The following KIAA0825 variants were observed in gnomAD, a reference collection of about 807,000 sequenced individuals.
KIAA0825 encodes uncharacterized protein KIAA0825.
KIAA0825 carries 119 observed loss-of-function variants against 147.6 expected under a neutral mutation model. The ratio of observed to expected loss-of-function variants is 0.81; its 90% confidence interval spans 0.69 to 0.94. KIAA0825 has a LOEUF of 0.94. Among genes scored for constraint, KIAA0825 ranks in the 40% least tolerant of loss-of-function variants. The probability of loss-of-function intolerance (pLI) is 0.00; values close to 1 mark genes in which losing one functional copy is unlikely to be tolerated. For missense variants in KIAA0825, 1,381 were observed against 1,472.7 expected (o/e 0.94, Z 1.02); for synonymous variants, 470 against 518.1 (o/e 0.91, Z 1.26).
intron 1 of KIAA0825, among the ~76,000 whole-genome samples, chr5:94,586,648 T>A (rs1391319629): frequency 6.6e-6 from 1 of 152,218 alleles, no homozygotes; most frequent in East Asian, 1.9e-4. Context: ...TCTGAGACTA[T>A]TCCAATCAAT....
intron 20 of KIAA0825, among the ~76,000 whole-genome samples, chr5:94,377,515 C>T (rs1747756324): frequency 6.6e-6 from 1 of 152,188 alleles, no homozygotes; most frequent in Non-Finnish European, 1.5e-5. Flanking sequence ...AATGCAATCA[C>T]CATCTCATTC....
At chr5:94,162,491 G>T (rs966768828) in intron 20 of KIAA0825, among the ~76,000 whole-genome samples, 1 of 151,958 alleles carries the variant, frequency 6.6e-6, no homozygotes, top group Non-Finnish European at 1.5e-5. Context: ...TTTTTCTGTA[G>T]AGAAGAGGTC....
chr5:94,407,520 TG>T (rs1359997437), intron 15 of KIAA0825, among the ~76,000 whole-genome samples: 2 of 152,002 alleles, frequency 1.3e-5, no homozygotes, highest in African/African-American at 4.8e-5. Context: ...TAAAAAGAAA[TG>T]GAGTTCTGAT....
intron 20 of KIAA0825, among the ~76,000 whole-genome samples, chr5:94,175,023 TGCCATGTTTCTA>T (rs1480522305): frequency 6.6e-6 from 1 of 152,158 alleles, no homozygotes. Flanking sequence ...CTAAAAGCTA[TGCCATGTTTCTA>T]GCCCTTCTTT....
chr5:94,262,419 T>G (rs920938951), intron 20 of KIAA0825, among the ~76,000 whole-genome samples: 10 of 152,152 alleles, frequency 6.6e-5, no homozygotes, highest in Admixed American at 1.3e-4. Context: ...ATAGTTATGT[T>G]TAATCAGGCT....
At chr5:94,510,971 T>A (rs1766393506) in intron 5 of KIAA0825, among the ~76,000 whole-genome samples, 1 of 152,170 alleles carries the variant, frequency 6.6e-6, no homozygotes, top group African/African-American at 2.4e-5. Flanking sequence ...AATTCTTATG[T>A]TAAAATCCTA....
chr5:94,318,960 C>T (rs1240696246), intron 20 of KIAA0825, among the ~76,000 whole-genome samples: 1 of 151,720 alleles, frequency 6.6e-6, no homozygotes, highest in Admixed American at 6.6e-5. Flanking sequence ...AAACTAACAC[C>T]AGGGCAAAGT....
intron 14 of KIAA0825, among the ~76,000 whole-genome samples, chr5:94,422,534 G>GTCTT (rs1754329074): frequency 6.6e-6 from 1 of 152,062 alleles, no homozygotes; most frequent in East Asian, 1.9e-4. Context: ...TCTAGTTAAT[G>GTCTT]TCTTTTATCA....
intron 14 of KIAA0825, among the ~76,000 whole-genome samples, chr5:94,424,548 G>A (rs993623221): frequency 2.6e-5 from 4 of 152,014 alleles, no homozygotes; most frequent in African/African-American, 2.4e-5. Context: ...ATAGCAATAA[G>A]TGCTTACATG....
intron 2 of KIAA0825, among the ~76,000 whole-genome samples, chr5:94,537,481 C>A (rs1772292814): frequency 6.6e-6 from 1 of 151,868 alleles, no homozygotes; most frequent in Non-Finnish European, 1.5e-5. Context: ...GAAACCCGGT[C>A]TCTACTAAAT....
chr5:94,170,912 A>G (rs1013235704), intron 20 of KIAA0825, among the ~76,000 whole-genome samples: 4 of 152,210 alleles, frequency 2.6e-5, no homozygotes, highest in Non-Finnish European at 5.9e-5. Flanking sequence ...GGAATATGAC[A>G]TGCTTTCATC....
At chr5:94,264,865 C>G (rs1776671569) in intron 20 of KIAA0825, among the ~76,000 whole-genome samples, 3 of 151,822 alleles carry the variant, frequency 2.0e-5, no homozygotes. Flanking sequence ...TCACTGCAAC[C>G]TCTGCCTCCC....
chr5:94,547,547 C>G (rs1774664396), intron 2 of KIAA0825, among the ~76,000 whole-genome samples: 1 of 152,004 alleles, frequency 6.6e-6, no homozygotes, highest in African/African-American at 2.4e-5. Flanking sequence ...ACCAGCCTGG[C>G]CAACATGGTG....
chr5:94,271,329 A>C (rs531801915), intron 20 of KIAA0825, among the ~76,000 whole-genome samples: 1 of 152,316 alleles, frequency 6.6e-6, no homozygotes, highest in East Asian at 1.9e-4. Context: ...GTGAAGAGAC[A>C]ACCCACAGAA....
intron 20 of KIAA0825, among the ~76,000 whole-genome samples, chr5:94,298,969 C>A (rs1778261382): frequency 6.6e-6 from 1 of 152,110 alleles, no homozygotes; most frequent in African/African-American, 2.4e-5. Context: ...ACCCTCAATT[C>A]GCACTGTGTG....
intron 2 of KIAA0825, among the ~76,000 whole-genome samples, chr5:94,579,097 T>C (rs535214990): frequency 3.3e-5 from 5 of 152,294 alleles, no homozygotes; most frequent in African/African-American, 9.6e-5. Context: ...AATTTTTGTA[T>C]TTTTAGTAGA....
At chr5:94,243,618 C>T (rs1465870111) in intron 20 of KIAA0825, among the ~76,000 whole-genome samples, 1 of 152,136 alleles carries the variant, frequency 6.6e-6, no homozygotes, top group Admixed American at 6.5e-5. Context: ...TAAATGAATG[C>T]ACAATTCCCT....
chr5:94,322,536 C>T (rs1054262528), intron 20 of KIAA0825, among the ~76,000 whole-genome samples: 1 of 151,878 alleles, frequency 6.6e-6, no homozygotes, highest in Non-Finnish European at 1.5e-5. Flanking sequence ...ATGCCTTGCA[C>T]TCCAGCTGTA....
chr5:94,492,458 G>A (rs764813940), intron 5 of KIAA0825, among the ~76,000 whole-genome samples: 2 of 152,168 alleles, frequency 1.3e-5, no homozygotes, highest in South Asian at 2.1e-4. Context: ...TTCCTATTTT[G>A]CCTTGCACAA....
Sources: gnomAD v4.1 joint callset for allele counts (sites outside exome capture counted in the v4.1 genomes callset) on GRCh38, gnomAD v4.1.1 for gene constraint, MANE v1.5 for transcripts, NCBI Gene and HGNC (gene_info 2026-07-23, HGNC 2026-07-21) for gene names.